Variants in DIP2C observed in about 807,000 individuals in gnomAD.
DIP2C encodes DIP2 acetate--CoA ligase C (putative).
A neutral mutation model predicts 192.4 loss-of-function variants in DIP2C; 33 were observed. The ratio of observed to expected loss-of-function variants is 0.17; its 90% CI spans 0.13 to 0.23. DIP2C has a LOEUF of 0.23. Among genes scored for constraint, DIP2C ranks in the 10% least tolerant of loss-of-function variants. The pLI, the probability that DIP2C is intolerant of heterozygous loss-of-function variation, is 1.00. For missense variants in DIP2C, 1,537 were observed against 2,110.1 expected (o/e 0.73, Z 5.32); for synonymous variants, 979 against 864.1 (o/e 1.13, Z -2.33).
At chr10:605,643 T>C (rs898862519) in intron 1 of DIP2C, among the ~76,000 whole-genome samples, 1 of 152,218 alleles carries the variant, frequency 6.6e-6, no homozygotes, top group African/African-American at 2.4e-5. Context: ...TCCTGACGCC[T>C]GCCTGAACAT....
At chr10:495,051 C>A (rs151324328) in intron 1 of DIP2C, among the ~76,000 whole-genome samples, 1 of 152,162 alleles carries the variant, frequency 6.6e-6, no homozygotes, top group East Asian at 1.9e-4. Flanking sequence ...TTCAACTTAA[C>A]GAACTAAATT....
chr10:423,791 A>G (rs933685407), intron 4 of DIP2C, among the ~76,000 whole-genome samples: 3 of 152,082 alleles, frequency 2.0e-5, no homozygotes, highest in Non-Finnish European at 4.4e-5. Flanking sequence ...ACAGGAGAGA[A>G]AGCAGAACGT....
At chr10:621,112 C>G (rs60702184) in intron 1 of DIP2C, among the ~76,000 whole-genome samples, 16,300 of 152,218 alleles carry the variant, frequency 0.11, 1,247 homozygotes, top group African/African-American at 0.21. Flanking sequence ...AGGGAGACCC[C>G]GACCCAAGGG....
chr10:385,951 G>A (rs1419506741), intron 14 of DIP2C, among the ~76,000 whole-genome samples: 1 of 152,200 alleles, frequency 6.6e-6, no homozygotes, highest in Non-Finnish European at 1.5e-5. Context: ...AGATGCTGCT[G>A]CCTGCTCAGA....
chr10:534,004 A>G (rs1370646553), intron 1 of DIP2C, among the ~76,000 whole-genome samples: 19 of 41,714 alleles, frequency 4.6e-4, no homozygotes, highest in Admixed American at 3.4e-3. Flanking sequence ...CATGCTTTAA[A>G]AAAAAAAAAA....
At chr10:458,489 GAC>G (rs1333126057) in intron 3 of DIP2C, among the ~76,000 whole-genome samples, 1 of 148,664 alleles carries the variant, frequency 6.7e-6, no homozygotes, top group Non-Finnish European at 1.5e-5. Flanking sequence ...GGCAGCGCGT[GAC>G]AGAGTGCTTG....
chr10:429,957 A>AC (rs1201842537), intron 4 of DIP2C, among the ~76,000 whole-genome samples: 3 of 152,184 alleles, frequency 2.0e-5, no homozygotes, highest in Non-Finnish European at 4.4e-5. Flanking sequence ...GTAAGAAACC[A>AC]CCAAGCTGTC....
At chr10:680,505 C>A (rs576732752) in intron 1 of DIP2C, among the ~76,000 whole-genome samples, 1 of 151,896 alleles carries the variant, frequency 6.6e-6, no homozygotes, top group African/African-American at 2.4e-5. Flanking sequence ...AACAAACAAC[C>A]TGCTTAGGAT....
At chr10:478,682 G>T (rs949220267) in intron 2 of DIP2C, among the ~76,000 whole-genome samples, 22 of 140,726 alleles carry the variant, frequency 1.6e-4, no homozygotes, top group Middle Eastern at 8.2e-3. Context: ...ACACATCCAA[G>T]TTCCCGTCTT....
Position 581,179 on chromosome 10 carries a change from ACGCTTT to A in DIP2C, c.86-94655_86-94650del, listed in dbSNP as rs1850626624. On this transcript the variant is annotated intron_variant, in intron 1 of 36. Coordinates refer to ENST00000280886, the MANE Select transcript of DIP2C (RefSeq NM_014974.3). ...GGACATCCCCCACCTGGCCACTTAG[ACGCTTT>A]CTGATACTTACTCTAGTCTACTTGT... is the stretch of plus-strand genomic sequence containing the variant. 7.2e-5 allele frequency among the ~76,000 whole-genome samples: 11 copies of A among 151,798 alleles called. No individual in the cohort carries two copies. In the South Asian group the frequency reaches 1.7e-3, roughly 23 times the overall value.
chr10:544,611 T>C lies in DIP2C; in HGVS notation c.86-58081A>G, dbSNP rs570399542. Among the ~76,000 whole-genome samples, 73 of 152,352 alleles carry C rather than the reference T, an allele frequency of 4.8e-4. 1 individual carries two copies. The highest frequency in any genetic ancestry group is 1.6e-3 in the African/African-American group (67 of 41,592). On this transcript the variant is annotated intron_variant, in intron 1 of 36. Transcript: ENST00000280886. ...TCACCAACATGTCACCGTCCAGTAC[T>C]GGGGTTTTACCCATCCCAGTGGTTG...
At chr10:595,585 T>C (rs145645233) in intron 1 of DIP2C, among the ~76,000 whole-genome samples, 109 of 152,124 alleles carry the variant, frequency 7.2e-4, no homozygotes, top group African/African-American at 2.5e-3. Flanking sequence ...TGAAGCCTTT[T>C]TAGAACAAGG....
At chr10:332,713 A>G (rs1288206672) in intron 29 of DIP2C, among the ~76,000 whole-genome samples, 1 of 152,228 alleles carries the variant, frequency 6.6e-6, no homozygotes, top group East Asian at 1.9e-4. Flanking sequence ...ACATTCGCAC[A>G]TTAGCAATTT....
In DIP2C at chr10:449,920, C is replaced by A. The variant is rs114160432; in HGVS notation, c.269-8924G>T. Among the ~76,000 whole-genome samples, 605 of 135,770 alleles carry A rather than the reference C, an allele frequency of 4.5e-3. 2 individuals are homozygous for A. The highest frequency in any genetic ancestry group is 9.0e-3 in the African/African-American group (298 of 33,236). 89.1% of individuals were successfully genotyped at this position (135,770 alleles called of 152,430 possible). ...ATAAAGATGTTTCAGTCAACAACAA[C>A]AAAAAAAAAAAAAAAAGAAAATCTG... On this transcript the variant is annotated intron_variant, in intron 3 of 36. Coordinates refer to ENST00000280886, the MANE Select transcript of DIP2C (RefSeq NM_014974.3).
intron 6 of DIP2C, among the ~76,000 whole-genome samples, chr10:418,785 CA>C (rs1179683915): frequency 2.0e-5 from 3 of 152,244 alleles, no homozygotes; most frequent in African/African-American, 7.2e-5. Flanking sequence ...TATTCAGCAG[CA>C]AAAACGGCAG....
At chr10:562,522 C>CTG (rs764434694) in intron 1 of DIP2C, among the ~76,000 whole-genome samples, 5 of 152,238 alleles carry the variant, frequency 3.3e-5, no homozygotes, top group Non-Finnish European at 7.3e-5. Context: ...AATTCCAATT[C>CTG]TGTACATTCA....
intron 1 of DIP2C, among the ~76,000 whole-genome samples, chr10:493,927 C>T (rs1354479436): frequency 6.6e-6 from 1 of 152,240 alleles, no homozygotes; most frequent in Non-Finnish European, 1.5e-5. Context: ...CCCAGTGCCG[C>T]CGTCCTACCT....
At chr10:426,180 CAA>C in intron 4 of DIP2C, among the ~76,000 whole-genome samples, 1 of 152,172 alleles carries the variant, frequency 6.6e-6, no homozygotes, top group South Asian at 2.1e-4. Flanking sequence ...TCACAGGACA[CAA>C]GATATACATA....
chr10:559,877 C>CT (rs1849108751), intron 1 of DIP2C, among the ~76,000 whole-genome samples: 1 of 152,210 alleles, frequency 6.6e-6, no homozygotes, highest in Non-Finnish European at 1.5e-5. Flanking sequence ...ATCCACCCAC[C>CT]TGGCCATTCG....
Sources: allele counts gnomAD v4.1 joint callset (sites outside exome capture counted in the v4.1 genomes callset), GRCh38; gene constraint gnomAD v4.1.1; transcripts MANE v1.5; gene names NCBI Gene and HGNC (gene_info 2026-07-23, HGNC 2026-07-21).